The following GOLGB1 variants were observed in gnomAD, a reference collection of about 807,000 sequenced individuals.
GOLGB1 encodes golgin B1, also known as golgin subfamily B member 1.
Under a neutral mutation model 336.9 loss-of-function variants are expected in GOLGB1, and 174 were observed. That is an observed-to-expected ratio of 0.52 (90% confidence interval 0.46 to 0.59). The LOEUF (loss-of-function observed/expected upper bound fraction) is 0.59, where lower values mean the gene tolerates loss of function less well. GOLGB1 is among the 20% of genes least tolerant of loss of function. GOLGB1 has a pLI of 0.00. For missense variants in GOLGB1, 3,331 were observed against 3,645.3 expected (o/e 0.91, Z 2.22); for synonymous variants, 1,208 against 1,289.2 (o/e 0.94, Z 1.35).
Position 121,690,686 on chromosome 3 carries a change from T to C in GOLGB1, c.8678A>G (p.Asn2893Ser), listed in dbSNP as rs747804676. 1.3e-6 allele frequency: 2 copies of C among 1,506,338 alleles called. No homozygotes were observed. The highest frequency in any genetic ancestry group is 1.8e-6 in the Non-Finnish European group (2 of 1,127,326). 93.3% of individuals were successfully genotyped at this position (1,506,338 alleles called of 1,614,324 possible). ...GCTACTCACTAGTCTGTCTCTGTCATTTTGGAGTGAAGACATAGCTTTTTT... is the reference window on the plus strand; with the variant it reads ...GCTACTCACTAGTCTGTCTCTGTCACTTTGGAGTGAAGACATAGCTTTTTT... Reference protein sequence around the residue: ...SLKKAMSSLQNDRDRLLKELK... With the variant: ...SLKKAMSSLQSDRDRLLKELK... Residue 2893 changes from asparagine (N) to serine (S), a missense_variant, in exon 14 of 22, where the codon AAT (asparagine) becomes AGT (serine). Asn to Ser is a conservative substitution (Grantham distance 46). Coordinates refer to ENST00000614479, the MANE Select transcript of GOLGB1 (RefSeq NM_001366282.2).
chr3:121,730,481 TAGG>T (rs941273606), intron 2 of GOLGB1, among the ~76,000 whole-genome samples: 14 of 151,966 alleles, frequency 9.2e-5, no homozygotes, highest in African/African-American at 3.4e-4. Flanking sequence ...ATACAAACTA[TAGG>T]AGAAGTGGTA....
At chr3:121,699,101 TG>T (rs1943186084) in intron 12 of GOLGB1, among the ~76,000 whole-genome samples, 172 bp from the exon 13 acceptor site, 2 of 152,284 alleles carry the variant, frequency 1.3e-5, no homozygotes, top group Admixed American at 1.3e-4. Flanking sequence ...ATCTCCCAGC[TG>T]GACCTCCAAG....
chr3:121,668,172 A>C lies in GOLGB1; in HGVS notation c.9322-14T>G, dbSNP rs1194494625. On this transcript the variant is annotated splice_polypyrimidine_tract_variant and intron_variant, in intron 18 of 21. Transcript: ENST00000614479. ...ATTTAGTGGCCCCTGGAAGAAGAAT[A>C]AGCTTAGTAATTCAGTGATGAAAGC... 2.1e-6 allele frequency: 3 copies of C among 1,441,432 alleles called. No individual in the cohort carries two copies. The allele number at this position is 1,441,432 out of a possible 1,614,324, so 89.3% of individuals were successfully genotyped here.
At chr3:121,671,965 T>C (rs1939604842) in intron 17 of GOLGB1, among the ~76,000 whole-genome samples, 1 of 152,178 alleles carries the variant, frequency 6.6e-6, no homozygotes, top group Non-Finnish European at 1.5e-5. Context: ...TTGCCACAAA[T>C]GACAGAATTT....
At chr3:121,687,747 C>A (rs1229670393) in intron 14 of GOLGB1, among the ~76,000 whole-genome samples, 2 of 152,154 alleles carry the variant, frequency 1.3e-5, no homozygotes, top group African/African-American at 4.8e-5. Context: ...ACATAGTTAG[C>A]TAATTCAGAA....
At position 121,690,927 on chromosome 3, in the gene GOLGB1, G is replaced by C. The variant is rs1446752788; in HGVS notation, c.8437C>G (p.Gln2813Glu). 6.2e-7 allele frequency: 1 copy of C among 1,614,132 alleles called. No individual in the cohort carries two copies. The highest frequency in any genetic ancestry group is 8.5e-7 in the Non-Finnish European group (1 of 1,179,960). ...TGCTCATCTTTGGATAGGAGCTGTT[G>C]GTTAAGTTTCTCAAGGTGAGACAAG... The part of the protein sequence containing the change: ...NSLSHLEKLN[Q>E]QLLSKDEQLL... Residue 2813 changes from glutamine (Q) to glutamate (E), a missense_variant, in exon 14 of 22, where the codon CAA becomes GAA. Gln to Glu is a conservative substitution (Grantham distance 29). Coordinates refer to ENST00000614479, the MANE Select transcript of GOLGB1 (RefSeq NM_001366282.2).
In GOLGB1 at chr3:121,717,238, A is replaced by G. The variant is rs1389108044; in HGVS notation, c.886-99T>C. On this transcript the variant is annotated intron_variant, in intron 8 of 21. Transcript: ENST00000614479. Reference sequence around the variant, plus strand: ...TCTTATAGGATGGAAAAAAATGGGAACATGTTTCTATGCTAGAGAGAAAGC... The same window carrying G: ...TCTTATAGGATGGAAAAAAATGGGAGCATGTTTCTATGCTAGAGAGAAAGC... 5 of 901,536 alleles carry G rather than the reference A, an allele frequency of 5.5e-6. No individual in the cohort carries two copies. The Admixed American group carries it at 1.4e-4, about 25-fold the overall frequency. 55.8% of individuals were successfully genotyped at this position (901,536 alleles called of 1,614,324 possible). A position where few individuals can be genotyped will look rare whatever the true frequency, so the allele number is the denominator to read the frequency against.
At chr3:121,708,546 T>C (rs140306681) in intron 10 of GOLGB1, among the ~76,000 whole-genome samples, 2,399 of 152,108 alleles carry the variant, frequency 0.016, 76 homozygotes, top group African/African-American at 0.056. Flanking sequence ...GGTGAGAGGA[T>C]TGCTTGAGCC....
intron 12 of GOLGB1, 54 bp downstream of exon 12, chr3:121,699,758 T>A: frequency 9.7e-7 from 1 of 1,031,122 alleles, no homozygotes; most frequent in Non-Finnish European, 1.5e-6. Flanking sequence ...CATATGAAGC[T>A]ACCTTCTCTT....
chr3:121,708,461 C>T (rs980063354), intron 10 of GOLGB1, among the ~76,000 whole-genome samples: 1 of 151,918 alleles, frequency 6.6e-6, no homozygotes, highest in Non-Finnish European at 1.5e-5. Flanking sequence ...CATAGTGAGA[C>T]CTTGTCTCTA....
chr3:121,674,478 T>A (rs1469376877), intron 17 of GOLGB1, among the ~76,000 whole-genome samples: 1 of 152,248 alleles, frequency 6.6e-6, no homozygotes, highest in Admixed American at 6.5e-5. Context: ...ACTGTATTTT[T>A]AAAATTCATG....
At chr3:121,682,021 A>C (rs1576301529) in intron 14 of GOLGB1, among the ~76,000 whole-genome samples, 156 bp from the exon 15 acceptor site, 1 of 152,264 alleles carries the variant, frequency 6.6e-6, no homozygotes, top group Non-Finnish European at 1.5e-5. Flanking sequence ...AAGTCTCTAA[A>C]GTAGTGAAAT....
chr3:121,692,325 T>C lies in GOLGB1; in HGVS notation c.7039A>G (p.Ile2347Val), dbSNP rs1942513376. Residue 2347 changes from isoleucine (I) to valine (V), a missense_variant, in exon 14 of 22, where the codon ATA becomes GTA. Physicochemically the swap from Ile to Val is conservative, Grantham distance 29 (BLOSUM62 3). Transcript: ENST00000614479. ...KEQKGNLEGI[I>V]RQQEADIQNS... ...TGAATATCAGCCTCTTGCTGCCTTA[T>C]GATCCCTTCCAAGTTTCCTTTTTGT... The C allele has an allele frequency of 6.2e-7, 1 of 1,610,362 alleles. No individual in the cohort carries two copies. The highest frequency in any genetic ancestry group is 1.3e-5 in the African/African-American group (1 of 74,466).
chr3:121,681,661 T>C (rs753615917), intron 15 of GOLGB1, 26 bp downstream of exon 15: 1 of 1,477,726 alleles, frequency 6.8e-7, no homozygotes, highest in African/African-American at 1.4e-5. Context: ...TGAAAAGAGT[T>C]GAAAAGGAGG....
intron 3 of GOLGB1, 113 bp from the exon 4 acceptor site, chr3:121,729,453 AC>A (rs1945916318): frequency 4.5e-6 from 4 of 889,754 alleles, no homozygotes; most frequent in Non-Finnish European, 6.8e-6. Context: ...TCTCTCTGTT[AC>A]CAGGGCTGGA....
At position 121,692,104 on chromosome 3, in the gene GOLGB1, G is replaced by A. The variant is rs764244790; in HGVS notation, c.7260C>T (p.Asn2420=). The change falls in exon 14 of 22, where the codon AAC becomes AAT. Residue 2420 remains asparagine (N), a synonymous_variant. Transcript: ENST00000614479. ...TCTCCTCTTCCTCCTGGGACAGCAG[G>A]TTTTCCAGCTCTTTAATTTCTTTAT... ...QHDKEIKELE[N]LLSQEEEENI... 1 of 1,613,568 alleles carries A rather than the reference G, an allele frequency of 6.2e-7. No individual in the cohort carries two copies. Among genetic ancestry groups the A allele is most frequent in the Admixed American group, 1.7e-5 (1 of 59,924 alleles).
chr3:121,686,942 G>C (rs916064180), intron 14 of GOLGB1, among the ~76,000 whole-genome samples: 1 of 152,116 alleles, frequency 6.6e-6, no homozygotes, highest in Non-Finnish European at 1.5e-5. Flanking sequence ...GTATGAGTAG[G>C]GAGCAGTAAA....
chr3:121,677,208 A>C, intron 16 of GOLGB1, 77 bp downstream of exon 16: 3 of 1,341,074 alleles, frequency 2.2e-6, no homozygotes, highest in South Asian at 1.3e-5. Flanking sequence ...GTCTTAAAAA[A>C]AAAACAAAAC....
intron 19 of GOLGB1, 103 bp from the exon 20 acceptor site, chr3:121,667,713 T>C (rs1183744761): frequency 1.4e-5 from 14 of 1,000,046 alleles, no homozygotes; most frequent in South Asian, 3.2e-5. Context: ...AGAAAATCCA[T>C]AGAAGCTTGT....
Sources: allele counts gnomAD v4.1 joint callset (sites outside exome capture counted in the v4.1 genomes callset), GRCh38; gene constraint gnomAD v4.1.1; transcripts MANE v1.5; gene names NCBI Gene and HGNC (gene_info 2026-07-23, HGNC 2026-07-21).